The following APAF1 variants were observed in gnomAD, a reference collection of about 807,000 sequenced individuals.
APAF1 encodes apoptotic protease-activating factor 1.
APAF1 carries 91 observed loss-of-function variants against 152.4 expected under a neutral mutation model. That is an observed-to-expected ratio of 0.60 (90% confidence interval 0.50 to 0.71). The LOEUF is 0.71. Ranked by LOEUF, APAF1 falls within the 30% of genes least tolerant of loss-of-function variation. The probability of loss-of-function intolerance (pLI) is 0.00; values close to 1 mark genes in which losing one functional copy is unlikely to be tolerated. For synonymous variants in APAF1, 484 were observed against 494.1 expected (o/e 0.98, Z 0.27); for missense variants, 1,283 against 1,472.0 (o/e 0.87, Z 2.10).
At chr12:98,656,024 C>A (rs1481113826) in intron 4 of APAF1, among the ~76,000 whole-genome samples, 1 of 152,088 alleles carries the variant, frequency 6.6e-6, no homozygotes, top group African/African-American at 2.4e-5. Flanking sequence ...ACCTTGTGAT[C>A]CGCCCACCTC....
intron 12 of APAF1, among the ~76,000 whole-genome samples, chr12:98,671,946 A>G (rs1204060590): frequency 6.6e-6 from 1 of 152,196 alleles, no homozygotes; most frequent in East Asian, 1.9e-4. Flanking sequence ...CATTTGGACA[A>G]ATTATCCTAA....
chr12:98,729,310 T>C (rs981526105), intron 26 of APAF1, among the ~76,000 whole-genome samples: 10 of 152,128 alleles, frequency 6.6e-5, no homozygotes, highest in African/African-American at 1.4e-4. Flanking sequence ...GGGGTGGTGG[T>C]AGGAAGTGGG....
chr12:98,727,751 G>T (rs979509381), intron 26 of APAF1, among the ~76,000 whole-genome samples: 7 of 151,978 alleles, frequency 4.6e-5, no homozygotes, highest in African/African-American at 1.4e-4. Flanking sequence ...GACCAGCCTG[G>T]CCAACATGGC....
At chr12:98,712,731 C>G in intron 21 of APAF1, 1 of 327,344 alleles carries the variant, frequency 3.1e-6, no homozygotes, top group South Asian at 3.1e-5. Flanking sequence ...CCAGGCTGGT[C>G]TCAAACTCCT....
intron 1 of APAF1, among the ~76,000 whole-genome samples, chr12:98,647,714 T>G (rs1237798011): frequency 2.0e-5 from 3 of 150,874 alleles, no homozygotes; most frequent in African/African-American, 7.3e-5. Flanking sequence ...TGTTTTTTTT[T>G]TTTTTTTTTT....
At chr12:98,713,371 C>G (rs995155240) in intron 21 of APAF1, among the ~76,000 whole-genome samples, 4 of 152,134 alleles carry the variant, frequency 2.6e-5, no homozygotes, top group Admixed American at 6.5e-5. Flanking sequence ...CTTAGAAGCC[C>G]AGCCATGTGG....
At chr12:98,689,474 C>G (rs10541967) in intron 16 of APAF1, among the ~76,000 whole-genome samples, 9,326 of 133,058 alleles carry the variant, frequency 0.07, 654 homozygotes, top group African/African-American at 0.2. Flanking sequence ...GTGTGTGTGT[C>G]TGTGTGTGTG....
chr12:98,729,311 A>G (rs1565898477), intron 26 of APAF1, among the ~76,000 whole-genome samples: 1 of 152,206 alleles, frequency 6.6e-6, no homozygotes, highest in Non-Finnish European at 1.5e-5. Context: ...GGGTGGTGGT[A>G]GGAAGTGGGG....
intron 15 of APAF1, among the ~76,000 whole-genome samples, chr12:98,686,321 C>T (rs2097698018): frequency 6.6e-6 from 1 of 152,088 alleles, no homozygotes; most frequent in South Asian, 2.1e-4. Context: ...TAATTGCTTC[C>T]TAGAGGTGGT....
chr12:98,698,983 C>G (rs967086542), intron 16 of APAF1, among the ~76,000 whole-genome samples: 9 of 152,296 alleles, frequency 5.9e-5, no homozygotes, highest in Admixed American at 2.0e-4. Context: ...CACGACCTAA[C>G]TTGGACTGGG....
intron 16 of APAF1, among the ~76,000 whole-genome samples, chr12:98,692,219 A>G (rs1159564656): frequency 6.6e-6 from 1 of 152,034 alleles, no homozygotes; most frequent in Admixed American, 6.6e-5. Context: ...AGTAGCTGGG[A>G]GTACAGGCGC....
At chr12:98,677,300 T>G in intron 12 of APAF1, 125 bp from the exon 13 acceptor site, 2 of 993,914 alleles carry the variant, frequency 2.0e-6, no homozygotes, top group Non-Finnish European at 3.0e-6. Context: ...AGTAATCTGA[T>G]TTTAAGAATT....
chr12:98,674,881 AT>A (rs1565869295), intron 12 of APAF1, among the ~76,000 whole-genome samples: 1 of 152,186 alleles, frequency 6.6e-6, no homozygotes, highest in Non-Finnish European at 1.5e-5. Flanking sequence ...AGCATTTAGC[AT>A]TTTTCTGGTC....
At chr12:98,710,164 G>A (rs923544020) in intron 20 of APAF1, among the ~76,000 whole-genome samples, 7 of 149,372 alleles carry the variant, frequency 4.7e-5, no homozygotes, top group African/African-American at 1.5e-4. Context: ...GTGAGCCACC[G>A]TGCCCGGCCT....
chr12:98,678,899 T>C (rs947150119), intron 13 of APAF1, among the ~76,000 whole-genome samples: 1 of 152,190 alleles, frequency 6.6e-6, no homozygotes, highest in Admixed American at 6.5e-5. Context: ...AAGGGGGTGC[T>C]GAGGGCAGTT....
chr12:98,651,659 TA>T (rs1312184718), intron 4 of APAF1, among the ~76,000 whole-genome samples: 18 of 147,552 alleles, frequency 1.2e-4, no homozygotes, highest in Non-Finnish European at 1.7e-4. Flanking sequence ...ATTATTTATT[TA>T]TTTTTGTTTT....
intron 24 of APAF1, 54 bp from the exon 25 acceptor site, chr12:98,725,361 G>C: frequency 6.2e-7 from 1 of 1,610,360 alleles, no homozygotes; most frequent in Non-Finnish European, 8.5e-7. Flanking sequence ...AATCAAGGCA[G>C]ATGCTTATTT....
At chr12:98,720,814 A>C (rs1335861282) in intron 22 of APAF1, among the ~76,000 whole-genome samples, 1 of 152,134 alleles carries the variant, frequency 6.6e-6, no homozygotes, top group Non-Finnish European at 1.5e-5. Context: ...AAAATACAAA[A>C]AAATTAGCCA....
At chr12:98,687,581 A>G (rs951829403) in intron 16 of APAF1, among the ~76,000 whole-genome samples, 2 of 151,388 alleles carry the variant, frequency 1.3e-5, no homozygotes, top group Admixed American at 6.6e-5. Context: ...GGGAGAGGGT[A>G]CCAGCAGAGA....
Sources: allele counts gnomAD v4.1 joint callset (sites outside exome capture counted in the v4.1 genomes callset), GRCh38; gene constraint gnomAD v4.1.1; transcripts MANE v1.5; gene names NCBI Gene and HGNC (gene_info 2026-07-23, HGNC 2026-07-21).